Variants in DPP10 observed in about 807,000 individuals in gnomAD.
DPP10 encodes inactive dipeptidyl peptidase 10.
In DPP10, 33 loss-of-function variants were observed where a neutral mutation model predicts 120.9. That is an observed-to-expected ratio of 0.27 (90% CI 0.21 to 0.37). The LOEUF (loss-of-function observed/expected upper bound fraction) is 0.37. DPP10 is among the 10% of genes least tolerant of loss of function. DPP10 has a pLI of 1.00. For missense variants in DPP10, 816 were observed against 942.8 expected (o/e 0.87, Z 1.76); for synonymous variants, 337 against 326.1 (o/e 1.03, Z -0.36).
At chr2:115,558,851 A>G (rs975573163) in intron 5 of DPP10, among the ~76,000 whole-genome samples, 2 of 152,190 alleles carry the variant, frequency 1.3e-5, no homozygotes, top group Admixed American at 6.5e-5. Flanking sequence ...TCCCATGTCA[A>G]TTGGTATCTC....
intron 3 of DPP10, among the ~76,000 whole-genome samples, chr2:115,475,062 G>T (rs1305485111): frequency 2.6e-5 from 4 of 152,176 alleles, no homozygotes; most frequent in Admixed American, 2.6e-4. Context: ...ATTCAAACAG[G>T]CTGCAGAAAT....
intron 4 of DPP10, among the ~76,000 whole-genome samples, chr2:115,515,541 C>T (rs557647250): frequency 6.6e-6 from 1 of 152,148 alleles, no homozygotes; most frequent in East Asian, 1.9e-4. Flanking sequence ...CATATTGGGA[C>T]TTTGCAAATG....
chr2:114,859,309 A>G (rs1689623359), intron 1 of DPP10, among the ~76,000 whole-genome samples: 1 of 151,844 alleles, frequency 6.6e-6, no homozygotes, highest in Admixed American at 6.6e-5. Flanking sequence ...TGAAGCTAGC[A>G]GCGAGCCAAG....
intron 1 of DPP10, among the ~76,000 whole-genome samples, chr2:115,228,886 G>A (rs2057586105): frequency 6.6e-6 from 1 of 152,074 alleles, no homozygotes; most frequent in Admixed American, 6.6e-5. Flanking sequence ...TCTTTTGGGT[G>A]TATACTTGGT....
chr2:115,475,131 G>T (rs1408222351), intron 3 of DPP10, among the ~76,000 whole-genome samples: 1 of 152,134 alleles, frequency 6.6e-6, no homozygotes, highest in Non-Finnish European at 1.5e-5. Flanking sequence ...GGCCTTGAAG[G>T]CATTTCAGAG....
At chr2:114,578,185 G>A (rs1342746782) in intron 1 of DPP10, among the ~76,000 whole-genome samples, 2 of 152,176 alleles carry the variant, frequency 1.3e-5, no homozygotes, top group East Asian at 1.9e-4. Flanking sequence ...ACCAGTATCT[G>A]TACAAATGTA....
At chr2:115,198,427 C>T (rs1476746594) in intron 1 of DPP10, among the ~76,000 whole-genome samples, 1 of 152,144 alleles carries the variant, frequency 6.6e-6, no homozygotes, top group Non-Finnish European at 1.5e-5. Context: ...TGTATGTACT[C>T]ACATATCTGA....
At chr2:115,379,047 C>G (rs1353282070) in intron 3 of DPP10, among the ~76,000 whole-genome samples, 1 of 152,126 alleles carries the variant, frequency 6.6e-6, no homozygotes, top group Non-Finnish European at 1.5e-5. Flanking sequence ...GCTTTGGTAT[C>G]AGGATGATGC....
chr2:114,568,871 AC>A (rs1689414115), intron 1 of DPP10, among the ~76,000 whole-genome samples: 1 of 152,084 alleles, frequency 6.6e-6, no homozygotes. Flanking sequence ...TGGTCCCTTC[AC>A]TTCAGCCTAT....
chr2:115,801,127 G>C (rs1034828810), intron 19 of DPP10, among the ~76,000 whole-genome samples: 3 of 151,858 alleles, frequency 2.0e-5, no homozygotes, highest in African/African-American at 4.8e-5. Context: ...GTGGTTTGTA[G>C]TTCTCCTTGA....
At chr2:115,704,231 C>A (rs2092006468) in intron 7 of DPP10, among the ~76,000 whole-genome samples, 1 of 151,712 alleles carries the variant, frequency 6.6e-6, no homozygotes, top group African/African-American at 2.4e-5. Flanking sequence ...TCTTGGTAGA[C>A]CTAGCCATTT....
intron 1 of DPP10, among the ~76,000 whole-genome samples, chr2:115,254,955 C>T (rs1476534386): frequency 6.6e-6 from 1 of 152,140 alleles, no homozygotes; most frequent in Admixed American, 6.5e-5. Context: ...TTCAAGCTGT[C>T]AGTGGATCTG....
chr2:115,170,159 G>A (rs1335924990), intron 1 of DPP10, among the ~76,000 whole-genome samples: 1 of 152,160 alleles, frequency 6.6e-6, no homozygotes, highest in Non-Finnish European at 1.5e-5. Context: ...GGCAAGAGTT[G>A]AGTAAGTGAA....
chr2:115,374,600 G>A (rs2065649892), intron 3 of DPP10, among the ~76,000 whole-genome samples: 3 of 152,354 alleles, frequency 2.0e-5, no homozygotes, highest in South Asian at 4.1e-4. Context: ...ACTGCCTTAG[G>A]AGAGGTTTTC....
chr2:114,988,058 C>A (rs1280082641), intron 1 of DPP10, among the ~76,000 whole-genome samples: 1 of 151,966 alleles, frequency 6.6e-6, no homozygotes, highest in African/African-American at 2.4e-5. Context: ...CCCGCCTCGG[C>A]CTCCCAAAGT....
At chr2:114,627,493 C>A (rs1028916113) in intron 1 of DPP10, among the ~76,000 whole-genome samples, 1 of 152,022 alleles carries the variant, frequency 6.6e-6, no homozygotes, top group Non-Finnish European at 1.5e-5. Flanking sequence ...CTAAACCTGG[C>A]AAACACACTG....
At chr2:114,673,031 C>A (rs1698446209) in intron 1 of DPP10, among the ~76,000 whole-genome samples, 1 of 152,144 alleles carries the variant, frequency 6.6e-6, no homozygotes, top group African/African-American at 2.4e-5. Context: ...TCTTAGCCAT[C>A]TGCTTCTGGC....
At chr2:115,477,191 A>G (rs2105233124) in intron 3 of DPP10, among the ~76,000 whole-genome samples, 1 of 152,224 alleles carries the variant, frequency 6.6e-6, no homozygotes, top group East Asian at 1.9e-4. Flanking sequence ...AAAAGAAATA[A>G]AAGCCTTGGA....
At chr2:115,577,226 G>A (rs150205844) in intron 5 of DPP10, among the ~76,000 whole-genome samples, 313 of 152,284 alleles carry the variant, frequency 2.1e-3, no homozygotes, top group African/African-American at 7.0e-3. Flanking sequence ...AAGATGCTGC[G>A]TCTAATATCT....
Sources: gnomAD v4.1 joint callset for allele counts (sites outside exome capture counted in the v4.1 genomes callset) on GRCh38, gnomAD v4.1.1 for gene constraint, MANE v1.5 for transcripts, NCBI Gene and HGNC (gene_info 2026-07-23, HGNC 2026-07-21) for gene names.